BACE2: variants seen among roughly 807,000 people sequenced by gnomAD.
The protein encoded by BACE2 is 56 kDa aspartic-like protease.
Under a neutral mutation model 46.2 loss-of-function variants are expected in BACE2, and 17 were observed. The observed-to-expected ratio is 0.37, with a 90% CI of 0.25 to 0.55. The LOEUF (loss-of-function observed/expected upper bound fraction) is 0.55. Ranked by LOEUF, BACE2 falls within the 20% of genes least tolerant of loss-of-function variation. The probability of loss-of-function intolerance (pLI) is 0.82; values close to 1 mark genes in which losing one functional copy is unlikely to be tolerated. For missense variants in BACE2, 595 were observed against 698.1 expected, an observed-to-expected ratio of 0.85 and a Z score of 1.66; for synonymous variants, 277 against 295.9, an observed-to-expected ratio of 0.94 and a Z score of 0.66.
intron 1 of BACE2, among the ~76,000 whole-genome samples, chr21:41,213,554 CA>C (rs1568870232): frequency 1.3e-5 from 2 of 152,170 alleles, no homozygotes; most frequent in Non-Finnish European, 1.5e-5. Flanking sequence ...GCGGGCGGAT[CA>C]CCAGGTCAGG....
chr21:41,248,538 G>A (rs1222231562), intron 6 of BACE2, among the ~76,000 whole-genome samples: 5 of 152,206 alleles, frequency 3.3e-5, no homozygotes, highest in African/African-American at 1.2e-4. Flanking sequence ...CACCTCTTCT[G>A]AGCATGTCTG....
chr21:41,197,278 T>TG (rs1352641088), intron 1 of BACE2, among the ~76,000 whole-genome samples: 10 of 151,248 alleles, frequency 6.6e-5, no homozygotes, highest in Non-Finnish European at 8.9e-5. Context: ...TTTTTTTGTT[T>TG]TTTTTTTTTT....
chr21:41,178,200 A>G (rs1006564427), intron 1 of BACE2: 1 of 152,256 alleles, frequency 6.6e-6, no homozygotes, highest in African/African-American at 2.4e-5. Flanking sequence ...GTTGCTGCCC[A>G]GAGAGGCAAA....
At chr21:41,181,426 C>G (rs1985118905) in intron 1 of BACE2, 1 of 167,074 alleles carries the variant, frequency 6.0e-6, no homozygotes, top group Non-Finnish European at 1.5e-5. Flanking sequence ...CTTCCCAGAT[C>G]AGGCAGTTGT....
chr21:41,260,671 C>A (rs921775776), intron 8 of BACE2, among the ~76,000 whole-genome samples: 1 of 152,172 alleles, frequency 6.6e-6, no homozygotes, highest in Non-Finnish European at 1.5e-5. Context: ...GAGAGCATGA[C>A]GGGGCACCCA....
intron 1 of BACE2, among the ~76,000 whole-genome samples, chr21:41,210,942 AC>A (rs767973216): frequency 4.0e-5 from 6 of 151,410 alleles, no homozygotes; most frequent in Non-Finnish European, 7.4e-5. Context: ...TCCTTCCCCA[AC>A]CCCTCCTCCT....
At chr21:41,179,481 T>G (rs753981455) in intron 1 of BACE2, 146 of 1,317,868 alleles carry the variant, frequency 1.1e-4, no homozygotes, top group Non-Finnish European at 1.4e-4. Flanking sequence ...GAGTGAGGTG[T>G]CCAGGGTGAG....
At chr21:41,230,539 C>G (rs927730871) in intron 2 of BACE2, among the ~76,000 whole-genome samples, 4 of 152,180 alleles carry the variant, frequency 2.6e-5, no homozygotes, top group African/African-American at 7.2e-5. Context: ...CAGCTCTCTG[C>G]CCTGTGATGT....
At chr21:41,216,328 G>A (rs1222366241) in intron 1 of BACE2, among the ~76,000 whole-genome samples, 1 of 152,180 alleles carries the variant, frequency 6.6e-6, no homozygotes, top group African/African-American at 2.4e-5. Flanking sequence ...ATTTATTTGG[G>A]GCCATTTCTC....
chr21:41,219,362 AT>A (rs1986569709), intron 1 of BACE2, among the ~76,000 whole-genome samples: 1 of 152,248 alleles, frequency 6.6e-6, no homozygotes, highest in Non-Finnish European at 1.5e-5. Flanking sequence ...GATGAAAAGA[AT>A]AAAAGAAGAA....
At chr21:41,253,168 G>A (rs534548075) in intron 7 of BACE2, among the ~76,000 whole-genome samples, 7 of 152,216 alleles carry the variant, frequency 4.6e-5, no homozygotes, top group Admixed American at 2.0e-4. Flanking sequence ...TTGGCCGGGC[G>A]CAGTGGCTCA....
At chr21:41,211,767 A>G (rs1395452725) in intron 1 of BACE2, among the ~76,000 whole-genome samples, 2 of 152,272 alleles carry the variant, frequency 1.3e-5, no homozygotes, top group Non-Finnish European at 2.9e-5. Context: ...AGAGAGAGTA[A>G]TATCTGAGAA....
chr21:41,174,651 T>A (rs1365695993), intron 1 of BACE2, among the ~76,000 whole-genome samples: 1 of 152,092 alleles, frequency 6.6e-6, no homozygotes, highest in African/African-American at 2.4e-5. Flanking sequence ...GGGGGGTTAG[T>A]GGGCACTGAC....
intron 1 of BACE2, among the ~76,000 whole-genome samples, chr21:41,199,774 G>A (rs1466389019): frequency 6.6e-6 from 1 of 152,140 alleles, no homozygotes; most frequent in Non-Finnish European, 1.5e-5. Flanking sequence ...GCAAGGTGGT[G>A]TGTGCCCTGC....
chr21:41,237,561 A>C lies in BACE2; in HGVS notation c.450A>C (p.Thr150=), dbSNP rs1987162135. Residue 150 remains threonine (T), a synonymous_variant, in exon 3 of 9, where the codon ACA becomes ACC. Transcript: ENST00000330333. ...GCTTTGACGTCACAGTGAAGTACAC[A>C]CAAGGAAGCTGGACGGGCTTCGTTG... is the stretch of plus-strand genomic sequence containing the variant. ...SKGFDVTVKY[T]QGSWTGFVGE... 6.2e-7 allele frequency: 1 copy of C among 1,614,248 alleles called. No individual in the cohort carries two copies.
intron 1 of BACE2, among the ~76,000 whole-genome samples, chr21:41,188,094 A>G (rs1276613168): frequency 1.3e-5 from 2 of 152,204 alleles, no homozygotes; most frequent in Admixed American, 6.5e-5. Flanking sequence ...GGCAACTTCT[A>G]TGATCCCTCC....
chr21:41,221,675 A>T (rs1448742152), intron 1 of BACE2, among the ~76,000 whole-genome samples: 4 of 151,994 alleles, frequency 2.6e-5, no homozygotes, highest in Non-Finnish European at 5.9e-5. Flanking sequence ...AAAATACAAA[A>T]AAATTAGCTG....
chr21:41,275,613 C>G lies in BACE2; in HGVS notation c.1546C>G (p.Arg516Gly). 9 of 1,613,860 alleles carry G rather than the reference C, an allele frequency of 5.6e-6. No homozygotes were observed. The highest frequency in any genetic ancestry group is 7.6e-6 in the Non-Finnish European group (9 of 1,179,962). ...TGATGAGTCCTCTCTGGTCAGACATCGCTGGAAATGAATAGCCAGGCCTGA... is the reference window on the plus strand; with the variant it reads ...TGATGAGTCCTCTCTGGTCAGACATGGCTGGAAATGAATAGCCAGGCCTGA... Reference protein sequence around the residue: ...VNDESSLVRHRWK With the variant: ...VNDESSLVRHGWK Residue 516 changes from arginine to glycine, a missense_variant, in exon 9 of 9, where the codon CGC becomes GGC. Around this residue, in one of 3 missense-constraint regions of BACE2, gnomAD observed 343 missense variants for 419.4 expected, o/e 0.82. Coordinates refer to ENST00000330333, the MANE Select transcript of BACE2 (RefSeq NM_012105.5).
chr21:41,219,435 A>G (rs1986571676), intron 1 of BACE2, among the ~76,000 whole-genome samples: 1 of 152,202 alleles, frequency 6.6e-6, no homozygotes, highest in South Asian at 2.1e-4. Flanking sequence ...GTATAATTGG[A>G]TGCAAATTGA....
Sources: gnomAD v4.1 joint callset for allele counts (sites outside exome capture counted in the v4.1 genomes callset) on GRCh38, gnomAD v4.1.1 for gene constraint, gnomAD v4.1.1 regional missense constraint, MANE v1.5 for transcripts, NCBI Gene and HGNC (gene_info 2026-07-23, HGNC 2026-07-21) for gene names.